The following REM2 variants were observed in gnomAD, a reference collection of about 807,000 sequenced individuals.
REM2 encodes the protein RRAD and GEM like GTPase 2.
REM2 carries 24 observed loss-of-function variants against 24.4 expected under a neutral mutation model. The ratio of observed to expected loss-of-function variants is 0.98; its 90% CI spans 0.71 to 1.38. The LOEUF is 1.38. REM2 is among the 40% of genes most tolerant of loss of function. The pLI is 0.00. For missense variants in REM2, 429 were observed against 467.8 expected (o/e 0.92, Z 0.77); for synonymous variants, 187 against 198.0 (o/e 0.94, Z 0.47).
rs2040129377 is a variant in REM2, at chr14:22,886,497, T to G, written c.728-117T>G. ...TATGAGCTCAGCCATGTTCTCTCGG[T>G]TGCAAGATTCACTAGTACCAATCCC... On this transcript the variant is annotated intron_variant, in intron 4 of 4. Transcript: ENST00000267396. This position sits in a 1 kb window ranked among gnomAD's most constrained non-coding sequence, Gnocchi z 5.9. The G allele has an allele frequency of 1.0e-6, 1 of 972,036 alleles. No homozygotes were observed. 60.2% of individuals were successfully genotyped at this position (972,036 alleles called of 1,614,324 possible).
At chr14:22,884,273 G>C in intron 1 of REM2, 1 of 985,454 alleles carries the variant, frequency 1.0e-6, no homozygotes, top group Non-Finnish European at 1.2e-6. Context: ...AACAGGAGGA[G>C]GAAGGGCCTC....
At position 22,885,329 on chromosome 14, in the gene REM2, T is replaced by C; in HGVS notation, c.509T>C (p.Ile170Thr). Residue 170 changes from isoleucine to threonine, a missense_variant, in exon 3 of 5, where the codon ATC becomes ACC. By Grantham distance (89) the Ile-to-Thr change is moderately conservative (BLOSUM62 -1). Transcript: ENST00000267396. The stretch of plus-strand genomic sequence containing the variant: ...GAAGTGACTCTAGTCGTTTATGACA[T>C]CTGGGAACAGGTGAGAACTAAGATG... ...KEEVTLVVYD[I>T]WEQGDAGGWL... The C allele has an allele frequency of 1.2e-6, 2 of 1,612,606 alleles. No homozygotes were observed. The highest frequency in any genetic ancestry group is 1.7e-6 in the Non-Finnish European group (2 of 1,178,590).
In REM2 at chr14:22,883,273, C is replaced by T. The variant is rs576955349; in HGVS notation, c.-15C>T. ...GCTGGGCTGCACACGCACACGCACA[C>T]GCACACGCACACTGATGCACACGGA... On this transcript the variant is annotated 5_prime_UTR_variant, in exon 1 of 5. It adds an upstream start codon to the 5' untranslated region. Coordinates refer to ENST00000267396, the MANE Select transcript of REM2 (RefSeq NM_173527.3). The T allele has an allele frequency of 3.3e-4, 456 of 1,366,998 alleles. 8 individuals are homozygous for T. The South Asian group carries it at 4.2e-3, about 13-fold the overall frequency. The allele number at this position is 1,366,998 out of a possible 1,614,324, so 84.7% of individuals were successfully genotyped here.
chr14:22,886,123 C>T lies in REM2; in HGVS notation c.619C>T (p.Pro207Ser), dbSNP rs768452926. ...VTDRRSFSKV[P>S]ETLLRLRAGR... Reference sequence around the variant, plus strand: ...CGACCGACGGAGTTTCTCCAAAGTTCCAGAGACCCTACTTCGGCTCCGGGC... The same window carrying T: ...CGACCGACGGAGTTTCTCCAAAGTTTCAGAGACCCTACTTCGGCTCCGGGC... Residue 207 changes from proline (P) to serine (S), a missense_variant, in exon 4 of 5, where the codon CCA becomes TCA. Pro to Ser is a moderately conservative substitution (Grantham distance 74). Coordinates refer to ENST00000267396, the MANE Select transcript of REM2 (RefSeq NM_173527.3). This position sits in a 1 kb window ranked among gnomAD's most constrained non-coding sequence, Gnocchi z 5.9. The T allele has an allele frequency of 9.9e-6, 16 of 1,613,866 alleles. No homozygotes were observed. In the African/African-American group the frequency reaches 2.1e-4, roughly 22 times the overall value.
Position 22,886,703 on chromosome 14 carries a change from G to A in REM2, c.817G>A (p.Ala273Thr). 1 of 1,505,428 alleles carries A rather than the reference G, an allele frequency of 6.6e-7. No individual in the cohort carries two copies. The highest frequency in any genetic ancestry group is 8.9e-7 in the Non-Finnish European group (1 of 1,128,610). 93.3% of individuals were successfully genotyped at this position (1,505,428 alleles called of 1,614,324 possible). The change falls in exon 5 of 5, where the codon GCG becomes ACG. Residue 273 changes from alanine (A) to threonine (T), a missense_variant. Transcript: ENST00000267396. This position sits in a 1 kb window ranked among gnomAD's most constrained non-coding sequence, Gnocchi z 5.9. Reference protein sequence around the residue: ...HHNTRELFEGAVRQIRLRRGR... With the variant: ...HHNTRELFEGTVRQIRLRRGR... ...CAACACGAGGGAGCTCTTCGAGGGC[G>A]CGGTGCGCCAGATCCGGCTGCGGCG...
intron 1 of REM2, chr14:22,884,042 A>G (rs556194964): frequency 3.0e-6 from 3 of 985,286 alleles, no homozygotes; most frequent in East Asian, 2.3e-4. Flanking sequence ...GCTCACCTAC[A>G]GGGCCACGGG....
chr14:22,884,444 T>C (rs1289657636), intron 1 of REM2: 2 of 985,212 alleles, frequency 2.0e-6, no homozygotes, highest in Non-Finnish European at 1.2e-6. Context: ...TTTGAATAGG[T>C]TGGGGTTGGG....
At position 22,886,878 on chromosome 14, in the gene REM2, C is replaced by A; in HGVS notation, c.992C>A (p.Ser331Tyr). 1 of 1,538,300 alleles carries A rather than the reference C, an allele frequency of 6.5e-7. No individual in the cohort carries two copies. Residue 331 changes from serine to tyrosine, a missense_variant, in exon 5 of 5, where the codon TCC becomes TAC. Ser to Tyr is a moderately radical substitution (Grantham distance 144, BLOSUM62 -2). Coordinates refer to ENST00000267396, the MANE Select transcript of REM2 (RefSeq NM_173527.3). The surrounding 1 kb of genome is among the most constrained non-coding windows in gnomAD (Gnocchi z 5.9). Reference sequence around the variant, plus strand: ...AACGCCAAGTTCTTCAAGCAGCGCTCCAGGTCGTGTCACGACCTCTCGGTG... The same window carrying A: ...AACGCCAAGTTCTTCAAGCAGCGCTACAGGTCGTGTCACGACCTCTCGGTG... The part of the protein sequence containing the change: ...PRNAKFFKQR[S>Y]RSCHDLSVL
At position 22,886,558 on chromosome 14, in the gene REM2, C is replaced by T; in HGVS notation, c.728-56C>T. 1.4e-6 allele frequency: 2 copies of T among 1,428,230 alleles called. No individual in the cohort carries two copies. The highest frequency in any genetic ancestry group is 9.2e-7 in the Non-Finnish European group (1 of 1,087,132). The allele number at this position is 1,428,230 out of a possible 1,614,324, so 88.5% of individuals were successfully genotyped here. ...ACGCCCAGGCCCTCCCTAGACCCACCCTCGCCCCGGGTCCCGTACAGCCCA... is the reference window on the plus strand; with the variant it reads ...ACGCCCAGGCCCTCCCTAGACCCACTCTCGCCCCGGGTCCCGTACAGCCCA... On this transcript the variant is annotated intron_variant, in intron 4 of 4. Coordinates refer to ENST00000267396, the MANE Select transcript of REM2 (RefSeq NM_173527.3). The surrounding 1 kb of genome is among the most constrained non-coding windows in gnomAD (Gnocchi z 5.9).
Position 22,886,796 on chromosome 14 carries a change from C to A in REM2, c.910C>A (p.Arg304Ser), listed in dbSNP as rs559211398. The A allele has an allele frequency of 5.8e-6, 9 of 1,548,968 alleles. No individual in the cohort carries two copies. The highest frequency in any genetic ancestry group is 3.6e-5 in the South Asian group (3 of 83,930). ...GSPEGPAPPARRESLTKKAKR... is the reference protein window; with the variant it reads ...GSPEGPAPPASRESLTKKAKR... ...CCCCGAGGGCCCTGCGCCACCTGCA[C>A]GCCGCGAGAGCCTCACCAAGAAAGC... is the stretch of plus-strand genomic sequence containing the variant. Residue 304 changes from arginine (R) to serine (S), a missense_variant, in exon 5 of 5, where the codon CGC becomes AGC. Transcript: ENST00000267396. This position sits in a 1 kb window ranked among gnomAD's most constrained non-coding sequence, Gnocchi z 5.9.
chr14:22,884,966 C>A lies in REM2; in HGVS notation c.396C>A (p.Gly132=). 2 of 1,572,864 alleles carry A rather than the reference C, an allele frequency of 1.3e-6. No homozygotes were observed. The highest frequency in any genetic ancestry group is 1.7e-6 in the Non-Finnish European group (2 of 1,156,814). The change falls in exon 2 of 5, where the codon GGC becomes GGA. Residue 132 remains glycine (G), a synonymous_variant. Coordinates refer to ENST00000267396, the MANE Select transcript of REM2 (RefSeq NM_173527.3). The stretch of plus-strand genomic sequence containing the variant: ...GCGTGGGCAAGAGCACCCTAGCAGG[C>A]ACTTTTGGTGGTCTCCAGGGAGACA... The part of the protein sequence containing the change: ...ESGVGKSTLA[G]TFGGLQGDSA...
At position 22,883,385 on chromosome 14, in the gene REM2, C is replaced by T; in HGVS notation, c.98C>T (p.Thr33Ile). Residue 33 changes from threonine to isoleucine, a missense_variant, in exon 1 of 5, where the codon ACA becomes ATA. Thr to Ile is a moderately conservative substitution (Grantham distance 89, BLOSUM62 -1). Transcript: ENST00000267396. ...SRRASPPGTP[T>I]PEADATLLKK... ...CGGGCCTCCCCTCCAGGGACGCCCA[C>T]ACCAGGTGAGGGCTAACCTGGGCAG... 6.4e-7 allele frequency: 1 copy of T among 1,553,108 alleles called. No homozygotes were observed. The highest frequency in any genetic ancestry group is 1.2e-5 in the South Asian group (1 of 84,134).
intron 1 of REM2, 105 bp from the exon 2 acceptor site, chr14:22,884,569 T>C (rs2040102832): frequency 6.9e-7 from 1 of 1,456,848 alleles, no homozygotes; most frequent in Non-Finnish European, 9.1e-7. Flanking sequence ...CAAGTGGGTG[T>C]AGCTGGGCCT....
Position 22,887,506 on chromosome 14 carries a change from TCTTGA to T in REM2, c.*601_*605del, listed in dbSNP as rs1424557887. 5 of 152,212 alleles carry T rather than the reference TCTTGA, an allele frequency of 3.3e-5. No individual in the cohort carries two copies. The highest frequency in any genetic ancestry group is 7.3e-5 in the Non-Finnish European group (5 of 68,042). The allele number at this position is 152,212 out of a possible 1,614,324, so 9.4% of individuals were successfully genotyped here. ...GAAGTGCTGTTCCTGAGATGGATTC[TCTTGA>T]CTTACCAGTCCACCACGGCACTTCC... On this transcript the variant is annotated 3_prime_UTR_variant, in exon 5 of 5. Coordinates refer to ENST00000267396, the MANE Select transcript of REM2 (RefSeq NM_173527.3).
Position 22,886,689 on chromosome 14 carries a change from A to G in REM2, c.803A>G (p.Glu268Gly). Residue 268 changes from glutamate to glycine, a missense_variant, in exon 5 of 5, where the codon GAG becomes GGG. Physicochemically the swap from Glu to Gly is moderately conservative, Grantham distance 98. Coordinates refer to ENST00000267396, the MANE Select transcript of REM2 (RefSeq NM_173527.3). The surrounding 1 kb of genome is among the most constrained non-coding windows in gnomAD (Gnocchi z 5.9). ...GCCGCACTGCACCACAACACGAGGG[A>G]GCTCTTCGAGGGCGCGGTGCGCCAG... ...TSAALHHNTR[E>G]LFEGAVRQIR... is the part of the protein sequence containing the mutation. 1 of 1,498,872 alleles carries G rather than the reference A, an allele frequency of 6.7e-7. No individual in the cohort carries two copies. Among genetic ancestry groups the G allele is most frequent in the East Asian group, 2.5e-5 (1 of 39,862 alleles). The allele number at this position is 1,498,872 out of a possible 1,614,324, so 92.8% of individuals were successfully genotyped here. A position where few individuals can be genotyped will look rare whatever the true frequency, so the allele number is the denominator to read the frequency against.
chr14:22,884,109 A>T (rs2040097135), intron 1 of REM2: 1 of 985,094 alleles, frequency 1.0e-6, no homozygotes, highest in Non-Finnish European at 1.2e-6. Flanking sequence ...ACAGAGACCC[A>T]GCACGCACAT....
At chr14:22,885,840 A>G (rs1348693484) in intron 3 of REM2, among the ~76,000 whole-genome samples, 184 bp from the exon 4 acceptor site, 1 of 152,214 alleles carries the variant, frequency 6.6e-6, no homozygotes, top group Non-Finnish European at 1.5e-5. Flanking sequence ...TAGGATCCTC[A>G]TATTACTAAT....
intron 1 of REM2, chr14:22,884,114 G>C: frequency 1.0e-6 from 1 of 985,100 alleles, no homozygotes; most frequent in Non-Finnish European, 1.2e-6. Context: ...GACCCAGCAC[G>C]CACATCATCT....
rs1417613685 is a variant in REM2, at chr14:22,886,812, C to T, written c.926C>T (p.Thr309Ile). ...CCACCTGCACGCCGCGAGAGCCTCA[C>T]CAAGAAAGCCAAGAGGTTCCTCGCC... Reference protein sequence around the residue: ...PAPPARRESLTKKAKRFLANL... With the variant: ...PAPPARRESLIKKAKRFLANL... Residue 309 changes from threonine to isoleucine, a missense_variant, in exon 5 of 5, where the codon ACC (threonine) becomes ATC (isoleucine). Thr to Ile is a moderately conservative substitution (Grantham distance 89, BLOSUM62 -1). Transcript: ENST00000267396. This position sits in a 1 kb window ranked among gnomAD's most constrained non-coding sequence, Gnocchi z 5.9. 6.5e-7 allele frequency: 1 copy of T among 1,549,200 alleles called. No homozygotes were observed.
Sources: allele counts gnomAD v4.1 joint callset (sites outside exome capture counted in the v4.1 genomes callset), GRCh38; gene constraint gnomAD v4.1.1; non-coding constraint Gnocchi (gnomAD v3.1); transcripts MANE v1.5; gene names NCBI Gene and HGNC (gene_info 2026-07-23, HGNC 2026-07-21).